PHF24: variants seen among roughly 807,000 people sequenced by gnomAD.
The protein encoded by PHF24 is PHD finger protein 24.
PHF24 carries 25 observed loss-of-function variants against 42.6 expected under a neutral mutation model. The observed-to-expected ratio is 0.59, with a 90% CI of 0.43 to 0.82. The LOEUF (loss-of-function observed/expected upper bound fraction) is 0.82. Ranked by LOEUF, PHF24 falls within the 40% of genes least tolerant of loss-of-function variation. The pLI is 0.00. For synonymous variants in PHF24, 185 were observed against 204.8 expected, an observed-to-expected ratio of 0.90 and a Z score of 0.83; for missense variants, 470 against 538.1, an observed-to-expected ratio of 0.87 and a Z score of 1.25.
the PHF24 span, among the ~76,000 whole-genome samples, chr9:34,778,591 G>A: frequency 3.3e-5 from 5 of 152,096 alleles, no homozygotes; most frequent in Non-Finnish European, 5.9e-5. Context: ...AAATGTATGC[G>A]TATTTATACA....
the PHF24 span, among the ~76,000 whole-genome samples, chr9:34,795,301 C>T: frequency 6.6e-6 from 1 of 151,808 alleles, no homozygotes; most frequent in Middle Eastern, 3.4e-3. Flanking sequence ...GAAACGACAC[C>T]TTTAAAATGC....
chr9:34,808,577 G>A, the PHF24 span, among the ~76,000 whole-genome samples: 1 of 152,116 alleles, frequency 6.6e-6, no homozygotes, highest in Non-Finnish European at 1.5e-5. Flanking sequence ...TACAGTTCTG[G>A]AGGCTGGGAA....
chr9:34,758,717 TA>T, the PHF24 span, among the ~76,000 whole-genome samples: 1 of 152,112 alleles, frequency 6.6e-6, no homozygotes, highest in African/African-American at 2.4e-5. The surrounding 1 kb of genome is among the most constrained non-coding windows in gnomAD (Gnocchi z 4.4). Context: ...GGATAGGCAG[TA>T]CACATCTTGC....
chr9:34,950,613 G>A, the PHF24 span, among the ~76,000 whole-genome samples: 1 of 152,084 alleles, frequency 6.6e-6, no homozygotes, highest in African/African-American at 2.4e-5. Flanking sequence ...AAATTAGATA[G>A]TGGTGATGAT....
At chr9:34,763,269 A>G in the PHF24 span, among the ~76,000 whole-genome samples, 1 of 152,192 alleles carries the variant, frequency 6.6e-6, no homozygotes, top group Admixed American at 6.5e-5. Context: ...ATGGCATTGA[A>G]TCTATGAATT....
chr9:34,674,676 C>T, the PHF24 span, among the ~76,000 whole-genome samples: 1 of 152,232 alleles, frequency 6.6e-6, no homozygotes, highest in Non-Finnish European at 1.5e-5. Flanking sequence ...TTATTGGGAA[C>T]ATGAACAGGG....
chr9:34,703,237 T>G, the PHF24 span, among the ~76,000 whole-genome samples: 1 of 151,986 alleles, frequency 6.6e-6, no homozygotes. Flanking sequence ...CGCAATGGTG[T>G]GACCTCGGCT....
At chr9:34,903,256 A>G in the PHF24 span, among the ~76,000 whole-genome samples, 9 of 152,236 alleles carry the variant, frequency 5.9e-5, no homozygotes, top group Non-Finnish European at 1.3e-4. Flanking sequence ...TTGAAATTGC[A>G]GACTATTCAC....
chr9:34,741,686 C>G, the PHF24 span, among the ~76,000 whole-genome samples: 1 of 152,212 alleles, frequency 6.6e-6, no homozygotes, highest in Non-Finnish European at 1.5e-5. Flanking sequence ...TATCGCCTGT[C>G]CAGCGATGTT....
chr9:34,896,341 A>G, the PHF24 span, among the ~76,000 whole-genome samples: 1 of 152,216 alleles, frequency 6.6e-6, no homozygotes, highest in South Asian at 2.1e-4. Context: ...TGTCAAGGAA[A>G]GGACAAAGCT....
At chr9:34,716,632 CA>C in the PHF24 span, among the ~76,000 whole-genome samples, 1 of 151,772 alleles carries the variant, frequency 6.6e-6, no homozygotes, top group Non-Finnish European at 1.5e-5. Context: ...TCTTGTCACC[CA>C]GGCTGGAGTG....
chr9:34,795,473 A>G, the PHF24 span, among the ~76,000 whole-genome samples: 127 of 152,312 alleles, frequency 8.3e-4, no homozygotes, highest in Non-Finnish European at 1.4e-3. Flanking sequence ...ATTGATTAAA[A>G]GAGAAATGAA....
chr9:34,768,809 A>G, the PHF24 span, among the ~76,000 whole-genome samples: 1 of 152,178 alleles, frequency 6.6e-6, no homozygotes, highest in Non-Finnish European at 1.5e-5. Context: ...AAATGAAAGT[A>G]AAACTGTCAC....
At chr9:34,854,295 G>A in the PHF24 span, among the ~76,000 whole-genome samples, 1 of 148,524 alleles carries the variant, frequency 6.7e-6, no homozygotes, top group Admixed American at 6.8e-5. Context: ...TCTGATCTTG[G>A]TTATTTCTTG....
chr9:34,863,642 T>G, the PHF24 span, among the ~76,000 whole-genome samples: 5 of 152,200 alleles, frequency 3.3e-5, no homozygotes, highest in Non-Finnish European at 7.3e-5. Context: ...CAAGTACTTT[T>G]GAAGCACTGC....
At chr9:34,759,194 T>C in the PHF24 span, among the ~76,000 whole-genome samples, 6 of 152,196 alleles carry the variant, frequency 3.9e-5, no homozygotes, top group Admixed American at 3.9e-4. Context: ...CTTAAAGGAC[T>C]CCAAAGGCCT....
the PHF24 span, among the ~76,000 whole-genome samples, chr9:34,839,130 T>C: frequency 6.6e-6 from 1 of 152,068 alleles, no homozygotes; most frequent in Non-Finnish European, 1.5e-5. Flanking sequence ...TGGGGAGAGA[T>C]TGTAAATGCT....
At chr9:34,687,701 T>C in the PHF24 span, among the ~76,000 whole-genome samples, 2 of 152,202 alleles carry the variant, frequency 1.3e-5, no homozygotes, top group African/African-American at 4.8e-5. Flanking sequence ...TTTTGTTGCT[T>C]CTGTGGCAGG....
the PHF24 span, among the ~76,000 whole-genome samples, chr9:34,771,676 C>T: frequency 6.6e-6 from 1 of 152,056 alleles, no homozygotes; most frequent in Non-Finnish European, 1.5e-5. Context: ...GTGTAACCAC[C>T]ACTGCTATCA....
Sources: gnomAD v4.1 joint callset for allele counts (sites outside exome capture counted in the v4.1 genomes callset) on GRCh38, gnomAD v4.1.1 for gene constraint, Gnocchi (gnomAD v3.1) non-coding constraint, MANE v1.5 for transcripts, NCBI Gene and HGNC (gene_info 2026-07-23, HGNC 2026-07-21) for gene names.